BICD1: variants seen among roughly 807,000 people sequenced by gnomAD.
BICD1 encodes the protein protein bicaudal D homolog 1.
Under a neutral mutation model 92.5 loss-of-function variants are expected in BICD1, and 35 were observed. That is an observed-to-expected ratio of 0.38 (90% CI 0.29 to 0.50). BICD1 has a LOEUF of 0.50. BICD1 is among the 20% of genes least tolerant of loss of function. BICD1 has a pLI of 0.93. For synonymous variants in BICD1, 429 were observed against 465.1 expected, an observed-to-expected ratio of 0.92 and a Z score of 1.00; for missense variants, 950 against 1,189.8, an observed-to-expected ratio of 0.80 and a Z score of 2.97.
At chr12:32,116,504 C>CTATATATATATA (rs1486131484) in intron 1 of BICD1, among the ~76,000 whole-genome samples, 26 of 82,062 alleles carry the variant, frequency 3.2e-4, no homozygotes, top group East Asian at 7.4e-4. Context: ...CTCTCTCTCT[C>CTATATATATATA]TCTCTCTATA....
intron 1 of BICD1, among the ~76,000 whole-genome samples, chr12:32,162,021 C>T (rs1319428702): frequency 6.6e-6 from 1 of 152,144 alleles, no homozygotes; most frequent in Non-Finnish European, 1.5e-5. Flanking sequence ...TTACCATACC[C>T]GTCAGCACCC....
chr12:32,205,978 G>C (rs1217636890), intron 1 of BICD1, among the ~76,000 whole-genome samples: 1 of 151,990 alleles, frequency 6.6e-6, no homozygotes, highest in Non-Finnish European at 1.5e-5. Context: ...CTTTTGTCTG[G>C]CTTCTTTTAC....
At chr12:32,181,579 A>G (rs1236766226) in intron 1 of BICD1, among the ~76,000 whole-genome samples, 2 of 151,918 alleles carry the variant, frequency 1.3e-5, no homozygotes, top group African/African-American at 2.4e-5. Context: ...CTCTCATTTT[A>G]TGCATATAAA....
intron 9 of BICD1, among the ~76,000 whole-genome samples, chr12:32,372,648 G>A (rs1939781777): frequency 6.6e-6 from 1 of 152,174 alleles, no homozygotes; most frequent in African/African-American, 2.4e-5. Context: ...GAAGGCTGAG[G>A]TGGGAAGATT....
chr12:32,238,944 C>CA (rs111403291), intron 2 of BICD1, among the ~76,000 whole-genome samples: 778 of 70,374 alleles, frequency 0.011, 12 homozygotes, highest in Middle Eastern at 0.03. Context: ...AACTCTGTCT[C>CA]AAAAAAAAAA....
Position 32,107,086 on chromosome 12 carries a change from G to A in BICD1, c.-246G>A. The A allele has an allele frequency of 2.0e-6, 1 of 507,020 alleles. No individual in the cohort carries two copies. The highest frequency in any genetic ancestry group is 3.5e-5 in the East Asian group (1 of 28,750). The allele number at this position is 507,020 out of a possible 1,614,324, so 31.4% of individuals were successfully genotyped here. A position where few individuals can be genotyped will look rare whatever the true frequency, so the allele number is the denominator to read the frequency against. On this transcript the variant is annotated 5_prime_UTR_variant, in exon 1 of 10. Transcript: ENST00000652176. ...GGGGCCGGCCCCGAGGACACATGCGGCGGCCTTTGCCGCCTCGCCCCTGAC... is the reference window on the plus strand; with the variant it reads ...GGGGCCGGCCCCGAGGACACATGCGACGGCCTTTGCCGCCTCGCCCCTGAC...
chr12:32,283,054 G>A (rs1258829780), intron 2 of BICD1, among the ~76,000 whole-genome samples: 1 of 152,154 alleles, frequency 6.6e-6, no homozygotes, highest in Non-Finnish European at 1.5e-5. Flanking sequence ...GAAAATGAAG[G>A]TGGGGATAGA....
At chr12:32,254,702 G>A (rs774083032) in intron 2 of BICD1, among the ~76,000 whole-genome samples, 2 of 152,150 alleles carry the variant, frequency 1.3e-5, no homozygotes, top group Non-Finnish European at 2.9e-5. Context: ...TGAATTAGAT[G>A]AAGGAAATTT....
chr12:32,354,777 T>C (rs1176618127), intron 8 of BICD1, among the ~76,000 whole-genome samples: 1 of 152,238 alleles, frequency 6.6e-6, no homozygotes, highest in Non-Finnish European at 1.5e-5. Context: ...CATCATTAGA[T>C]TTTTGAAAAT....
intron 2 of BICD1, among the ~76,000 whole-genome samples, chr12:32,278,864 A>AAAATAAATAAATAAAT (rs59177126): frequency 6.7e-6 from 1 of 150,328 alleles, no homozygotes; most frequent in East Asian, 2.0e-4. Context: ...TCAAAGAAAT[A>AAAATAAATAAATAAAT]AAATAAATAA....
At chr12:32,329,327 C>A (rs1359453895) in intron 5 of BICD1, among the ~76,000 whole-genome samples, 1 of 152,028 alleles carries the variant, frequency 6.6e-6, no homozygotes, top group Non-Finnish European at 1.5e-5. Context: ...GAACTCCTGA[C>A]CTCAAGTGAT....
intron 2 of BICD1, among the ~76,000 whole-genome samples, chr12:32,249,279 G>T (rs1946468145): frequency 6.6e-6 from 1 of 152,168 alleles, no homozygotes; most frequent in Non-Finnish European, 1.5e-5. Flanking sequence ...GTGAGGCTGG[G>T]CCTTAAATCA....
At chr12:32,229,200 G>A (rs376695110) in intron 2 of BICD1, among the ~76,000 whole-genome samples, 3 of 152,144 alleles carry the variant, frequency 2.0e-5, no homozygotes, top group East Asian at 1.9e-4. Flanking sequence ...GCAGTGAGCC[G>A]AGATTGTGCC....
chr12:32,364,634 A>G (rs1406892160), intron 8 of BICD1, among the ~76,000 whole-genome samples: 1 of 152,234 alleles, frequency 6.6e-6, no homozygotes, highest in Non-Finnish European at 1.5e-5. Context: ...CTAAGTGCTT[A>G]TAAATAATAA....
At position 32,213,277 on chromosome 12, in the gene BICD1, C is replaced by T. The variant is rs79473697; in HGVS notation, c.214-2970C>T. On this transcript the variant is annotated intron_variant, in intron 1 of 9. Coordinates refer to ENST00000652176, the MANE Select transcript of BICD1 (RefSeq NM_001714.4). ...AAGAGTCCCGACCAGTGATTTTGTACAATGTCCCCAGTTTGGGTTTGTCTG... is the reference window on the plus strand; with the variant it reads ...AAGAGTCCCGACCAGTGATTTTGTATAATGTCCCCAGTTTGGGTTTGTCTG... Among the ~76,000 whole-genome samples the T allele has an allele frequency of 6.5e-4, 99 of 152,294 alleles. 1 individual carries two copies. In the East Asian group the frequency reaches 0.019, roughly 29 times the overall value.
chr12:32,319,392 A>T (rs1948589019), intron 4 of BICD1, among the ~76,000 whole-genome samples: 1 of 152,122 alleles, frequency 6.6e-6, no homozygotes, highest in Non-Finnish European at 1.5e-5. Context: ...GGTATATTAT[A>T]TTTATTGACT....
chr12:32,255,787 C>T (rs1011252991), intron 2 of BICD1, among the ~76,000 whole-genome samples: 1 of 152,202 alleles, frequency 6.6e-6, no homozygotes, highest in Non-Finnish European at 1.5e-5. Flanking sequence ...CATAGGACAT[C>T]CCTGATACCC....
At chr12:32,296,996 C>G (rs1428428878) in intron 3 of BICD1, among the ~76,000 whole-genome samples, 1 of 152,146 alleles carries the variant, frequency 6.6e-6, no homozygotes, top group Non-Finnish European at 1.5e-5. Flanking sequence ...ATGCCATATG[C>G]TAATTTTCCC....
rs573469448 is a variant in BICD1, at chr12:32,338,123, A to G, written c.2570+307A>G. 4 of 268,238 alleles carry G rather than the reference A, an allele frequency of 1.5e-5. No individual in the cohort carries two copies. In the East Asian group the frequency reaches 2.3e-4, roughly 16 times the overall value. The allele number at this position is 268,238 out of a possible 1,614,324, so 16.6% of individuals were successfully genotyped here. Reference sequence around the variant, plus strand: ...TAAATATGCCTCTCCCTTACCTCCAACCTGAGAATTGGTAGATAAAGGTGG... The same window carrying G: ...TAAATATGCCTCTCCCTTACCTCCAGCCTGAGAATTGGTAGATAAAGGTGG... On this transcript the variant is annotated intron_variant, in intron 7 of 9. Transcript: ENST00000652176.
Sources: gnomAD v4.1 joint callset for allele counts (sites outside exome capture counted in the v4.1 genomes callset) on GRCh38, gnomAD v4.1.1 for gene constraint, MANE v1.5 for transcripts, NCBI Gene and HGNC (gene_info 2026-07-23, HGNC 2026-07-21) for gene names.